ASPM: variants seen among roughly 807,000 people sequenced by gnomAD.
ASPM encodes the protein abnormal spindle-like microcephaly-associated protein.
A neutral mutation model predicts 366.4 loss-of-function variants in ASPM; 256 were observed. The observed-to-expected ratio is 0.70, with a 90% CI of 0.63 to 0.77. ASPM has a LOEUF of 0.77. Ranked by LOEUF, ASPM falls within the 30% of genes least tolerant of loss-of-function variation. The probability of loss-of-function intolerance (pLI) is 0.00; values close to 1 mark genes in which losing one functional copy is unlikely to be tolerated. For missense variants in ASPM, 4,146 were observed against 4,090.4 expected, an observed-to-expected ratio of 1.01 and a Z score of -0.37; for synonymous variants, 1,414 against 1,342.9, an observed-to-expected ratio of 1.05 and a Z score of -1.16.
chr1:197,085,604 GA>G (rs1241280822), intron 27 of ASPM, among the ~76,000 whole-genome samples: 1 of 152,128 alleles, frequency 6.6e-6, no homozygotes, highest in East Asian at 1.9e-4. Context: ...GCATAAACAT[GA>G]ACGAATTTCA....
intron 27 of ASPM, among the ~76,000 whole-genome samples, chr1:197,084,978 T>G (rs989750336): frequency 1.6e-4 from 23 of 148,046 alleles, no homozygotes; most frequent in Admixed American, 1.3e-3. Context: ...AACCAGTTCT[T>G]CTACCCCACT....
intron 16 of ASPM, among the ~76,000 whole-genome samples, chr1:197,120,424 G>C (rs1318869686): frequency 6.6e-6 from 1 of 152,062 alleles, no homozygotes; most frequent in Non-Finnish European, 1.5e-5. Flanking sequence ...CAACTACTCA[G>C]GAGGCTGAGG....
At position 197,102,764 on chromosome 1, in the gene ASPM, A is replaced by G; in HGVS notation, c.6487T>C (p.Tyr2163His). 2 of 1,612,616 alleles carry G rather than the reference A, an allele frequency of 1.2e-6. No individual in the cohort carries two copies. The highest frequency in any genetic ancestry group is 1.1e-5 in the South Asian group (1 of 91,062). ...YYQGKMQREK[Y>H]LTILKAVKVL... The stretch of plus-strand genomic sequence containing the variant: ...TTAACAGCTTTCAAAATTGTCAGGT[A>G]CTTTTCACGCTGCATTTTACCTTGA... The change falls in exon 18 of 28, where the codon TAC becomes CAC. Residue 2163 changes from tyrosine to histidine, a missense_variant. By Grantham distance (83) the Tyr-to-His change is moderately conservative. Around this residue, in one of 3 missense-constraint regions of ASPM, gnomAD observed 3,624 missense variants for 3,591.7 expected, o/e 1.01. Transcript: ENST00000367409.
chr1:197,145,942 C>G (rs943702279), intron 1 of ASPM, among the ~76,000 whole-genome samples, 199 bp downstream of exon 1: 1 of 151,964 alleles, frequency 6.6e-6, no homozygotes, highest in Non-Finnish European at 1.5e-5. Flanking sequence ...TGAAAAGGAA[C>G]TGACTTCACT....
chr1:197,101,647 A>G lies in ASPM; in HGVS notation c.7604T>C (p.Val2535Ala), dbSNP rs779840818. ...ENYIRQWHSA[V>A]VIQAAYKGMK... Reference sequence around the variant, plus strand: ...TCCTTTATATGCAGCCTGAATAACCACAGCAGAATGCCATTGTCTGATATA... The same window carrying G: ...TCCTTTATATGCAGCCTGAATAACCGCAGCAGAATGCCATTGTCTGATATA... Residue 2535 changes from valine (V) to alanine (A), a missense_variant, in exon 18 of 28, where the codon GTG (valine) becomes GCG (alanine). This residue lies in a region of ASPM where 3,624 missense variants were observed against 3,591.7 expected (regional missense o/e 1.01). Coordinates refer to ENST00000367409, the MANE Select transcript of ASPM (RefSeq NM_018136.5). The G allele has an allele frequency of 1.2e-6, 2 of 1,612,004 alleles. No individual in the cohort carries two copies. Among genetic ancestry groups the G allele is most frequent in the East Asian group, 2.2e-5 (1 of 44,800 alleles).
In ASPM at chr1:197,142,759, G is replaced by A. The variant is rs778069189; in HGVS notation, c.1493C>T (p.Thr498Ile). ...TCTGGTACAGGTGGCCTTCCTTTTA[G>A]TAACAGTGGCAGAAAGTATTGGACG... ...KRRPILSATVTKRKATCTREN... is the reference protein window; with the variant it reads ...KRRPILSATVIKRKATCTREN... Residue 498 changes from threonine to isoleucine, a missense_variant, in exon 3 of 28, where the codon ACT becomes ATT. By Grantham distance (89) the Thr-to-Ile change is moderately conservative. Around this residue, in one of 3 missense-constraint regions of ASPM, gnomAD observed 3,624 missense variants for 3,591.7 expected, o/e 1.01. Coordinates refer to ENST00000367409, the MANE Select transcript of ASPM (RefSeq NM_018136.5). 5 of 1,613,686 alleles carry A rather than the reference G, an allele frequency of 3.1e-6. No homozygotes were observed. In the South Asian group the frequency reaches 5.5e-5, roughly 18 times the overall value.
rs770157957 is a variant in ASPM, at chr1:197,146,240, G to A, written c.198C>T (p.Ala66=). 1.9e-6 allele frequency: 3 copies of A among 1,614,112 alleles called. No homozygotes were observed. The highest frequency in any genetic ancestry group is 8.5e-7 in the Non-Finnish European group (1 of 1,180,026). ...CCACCTCCTCGTTAGGGTTGTCTAG[G>A]GCCAGAGACAGCGTCCGTGAGGCTC... The part of the protein sequence containing the change: ...LLGASRTLSL[A]LDNPNEEVAE... The change falls in exon 1 of 28, where the codon GCC becomes GCT. Residue 66 remains alanine, a synonymous_variant. Transcript: ENST00000367409.
intron 10 of ASPM, among the ~76,000 whole-genome samples, chr1:197,127,472 T>A (rs537189386): frequency 2.6e-5 from 4 of 152,186 alleles, no homozygotes; most frequent in African/African-American, 9.7e-5. Context: ...AAAAAAACTT[T>A]CATTGCTTTA....
At chr1:197,142,209 G>A (rs1422257847) in intron 3 of ASPM, 122 bp downstream of exon 3, 5 of 1,083,858 alleles carry the variant, frequency 4.6e-6, no homozygotes, top group African/African-American at 1.6e-5. Context: ...ATTTGCTAAG[G>A]AAATGTACCC....
chr1:197,099,266 C>G (rs1011139162), intron 18 of ASPM, among the ~76,000 whole-genome samples: 1 of 150,060 alleles, frequency 6.7e-6, no homozygotes, highest in Non-Finnish European at 1.5e-5. Flanking sequence ...TGGTCTTCTC[C>G]TGCTTAAACT....
Position 197,102,072 on chromosome 1 carries a change from A to C in ASPM, c.7179T>G (p.Ala2393=), listed in dbSNP as rs117668001. The C allele has an allele frequency of 6.2e-7, 1 of 1,613,038 alleles. No individual in the cohort carries two copies. The highest frequency in any genetic ancestry group is 1.7e-5 in the Admixed American group (1 of 59,872). Residue 2393 remains alanine, a synonymous_variant, in exon 18 of 28, where the codon GCT becomes GCG. Coordinates refer to ENST00000367409, the MANE Select transcript of ASPM (RefSeq NM_018136.5). ...TTCTAGTTTTCATACCCCTGAATGC[A>C]GCCTGAAGGATCACAGCAGAGTGTC... ...RQRHSAVILQ[A]AFRGMKTRRH...
chr1:197,146,645 C>T lies in ASPM; in HGVS notation c.-208G>A, dbSNP rs1658798799. On this transcript the variant is annotated 5_prime_UTR_variant, in exon 1 of 28. Coordinates refer to ENST00000367409, the MANE Select transcript of ASPM (RefSeq NM_018136.5). Reference sequence around the variant, plus strand: ...AAACTCGCAAATTAAAAAGAGGAGCCAAACAAGTATGGCGTTTTGACTCTG... The same window carrying T: ...AAACTCGCAAATTAAAAAGAGGAGCTAAACAAGTATGGCGTTTTGACTCTG... 4.8e-6 allele frequency: 3 copies of T among 621,990 alleles called. No homozygotes were observed. Among genetic ancestry groups the T allele is most frequent in the Admixed American group, 2.9e-5 (1 of 34,012 alleles). 38.5% of individuals were successfully genotyped at this position (621,990 alleles called of 1,614,324 possible).
In ASPM at chr1:197,129,997, C is replaced by T; in HGVS notation, c.2547G>A (p.Met849Ile). The change falls in exon 8 of 28, where the codon ATG becomes ATA. Residue 849 changes from methionine (M) to isoleucine (I), a missense_variant. This residue lies in a region of ASPM where 3,624 missense variants were observed against 3,591.7 expected (regional missense o/e 1.01). Coordinates refer to ENST00000367409, the MANE Select transcript of ASPM (RefSeq NM_018136.5). Reference sequence around the variant, plus strand: ...TCCAAAGTAGGCGATTCAGAATAAACATAGCCAACCCTGTGACATCACTGT... The same window carrying T: ...TCCAAAGTAGGCGATTCAGAATAAATATAGCCAACCCTGTGACATCACTGT... ...EDNSDVTGLAMFILNRLLWNP... is the reference protein window; with the variant it reads ...EDNSDVTGLAIFILNRLLWNP... 1 of 1,613,966 alleles carries T rather than the reference C, an allele frequency of 6.2e-7. No homozygotes were observed. The highest frequency in any genetic ancestry group is 8.5e-7 in the Non-Finnish European group (1 of 1,179,908).
intron 4 of ASPM, among the ~76,000 whole-genome samples, chr1:197,136,388 C>T (rs1279546409): frequency 1.3e-5 from 2 of 152,004 alleles, no homozygotes; most frequent in African/African-American, 4.8e-5. Flanking sequence ...TTTGTAACTC[C>T]GCTTTTTATT....
intron 5 of ASPM, among the ~76,000 whole-genome samples, 189 bp downstream of exon 5, chr1:197,134,907 G>A (rs984737252): frequency 2.6e-5 from 4 of 151,838 alleles, no homozygotes; most frequent in African/African-American, 9.7e-5. Context: ...CAGTACTTTC[G>A]GTAAAGAAAA....
chr1:197,115,342 T>C (rs2125101426), intron 17 of ASPM, among the ~76,000 whole-genome samples: 1 of 152,230 alleles, frequency 6.6e-6, no homozygotes, highest in Non-Finnish European at 1.5e-5. Context: ...CTGCAGTTAC[T>C]TCCTCCAACG....
At chr1:197,144,151 C>A (rs766279361) in intron 1 of ASPM, 51 bp from the exon 2 acceptor site, 1 of 1,297,230 alleles carries the variant, frequency 7.7e-7, no homozygotes, top group African/African-American at 1.5e-5. Context: ...TACATAATAA[C>A]CAAAACACCT....
rs117223332 is a variant in ASPM at position 197,111,330 on chromosome 1, A to C, written c.4066-6145T>G. Reference sequence around the variant, plus strand: ...ATGCGGCCAAGAAATCTATGAAAAAATGCCCATCACCACTAAACATCAGAA... The same window carrying C: ...ATGCGGCCAAGAAATCTATGAAAAACTGCCCATCACCACTAAACATCAGAA... On this transcript the variant is annotated intron_variant, in intron 17 of 27. Coordinates refer to ENST00000367409, the MANE Select transcript of ASPM (RefSeq NM_018136.5). 7.0e-4 allele frequency among the ~76,000 whole-genome samples: 106 copies of C among 152,266 alleles called. 1 individual carries two copies. In the East Asian group the frequency reaches 0.02, roughly 29 times the overall value.
At position 197,091,899 on chromosome 1, in the gene ASPM, A is replaced by C. The variant is rs140150599; in HGVS notation, c.9444+8T>G. On this transcript the variant is annotated splice_region_variant and intron_variant, in intron 22 of 27. Transcript: ENST00000367409. ...ATCATATAGTTTTACTGCAAAGAAG[A>C]AGCAAACCTGAATACAGATGACTGA... is the stretch of plus-strand genomic sequence containing the variant. 765 of 1,609,224 alleles carry C rather than the reference A, an allele frequency of 4.8e-4. 6 individuals are homozygous for C. In the African/African-American group the frequency reaches 9.0e-3, roughly 19 times the overall value.
Sources: allele counts gnomAD v4.1 joint callset (sites outside exome capture counted in the v4.1 genomes callset), GRCh38; gene constraint gnomAD v4.1.1; regional missense constraint gnomAD v4.1.1; transcripts MANE v1.5; gene names NCBI Gene and HGNC (gene_info 2026-07-23, HGNC 2026-07-21).